MESD: variants seen among roughly 807,000 people sequenced by gnomAD.
MESD encodes the protein mesoderm development LRP chaperone, also known as LRP chaperone MESD.
A neutral mutation model predicts 12.9 loss-of-function variants in MESD; 7 were observed. That is an observed-to-expected ratio of 0.54 (90% CI 0.31 to 1.02). The LOEUF (loss-of-function observed/expected upper bound fraction) is 1.02, where lower values mean the gene tolerates loss of function less well. MESD is among the 50% of genes least tolerant of loss of function. The pLI is 0.05. For synonymous variants in MESD, 126 were observed against 115.6 expected (o/e 1.09, Z -0.58); for missense variants, 342 against 296.7 (o/e 1.15, Z -1.12).
chr15:80,956,903 G>A (rs115855554), intron 3 of MESD, among the ~76,000 whole-genome samples: 1,807 of 152,040 alleles, frequency 0.012, 48 homozygotes, highest in African/African-American at 0.041. Context: ...CTGTGGCCTC[G>A]ACCTCCCAGG....
At chr15:80,982,649 A>C (rs1386241106) in intron 1 of MESD, among the ~76,000 whole-genome samples, 1 of 152,232 alleles carries the variant, frequency 6.6e-6, no homozygotes, top group Admixed American at 6.5e-5. Flanking sequence ...AGGGTAACAG[A>C]AATTAGAACA....
In MESD at chr15:80,979,301, C is replaced by A. The variant is rs144118294; in HGVS notation, c.623G>T (p.Gly208Val). ...CAGATCTCCTTCCTTCTTTTTTTTG[C>A]CCTTGTCTTGCTTTGTTTTATTTTT... The part of the protein sequence containing the change: ...KEKNKTKQDK[G>V]KKKKEGDLKS... The change falls in exon 3 of 3, where the codon GGC becomes GTC. Residue 208 changes from glycine (G) to valine (V), a missense_variant. Coordinates refer to ENST00000261758, the MANE Select transcript of MESD (RefSeq NM_015154.3). 3.1e-6 allele frequency: 5 copies of A among 1,611,974 alleles called. No individual in the cohort carries two copies. Among genetic ancestry groups the A allele is most frequent in the Non-Finnish European group, 4.2e-6 (5 of 1,179,478 alleles).
exon 4 of MESD, chr15:80,952,263 G>T (rs748175527): frequency 4.4e-6 from 2 of 456,160 alleles, no homozygotes; most frequent in South Asian, 3.1e-5. Context: ...CAGGTAGAGG[G>T]CACCTCAGGC....
chr15:80,948,688 G>C, exon 5 of MESD: 2 of 1,434,734 alleles, frequency 1.4e-6, no homozygotes, highest in South Asian at 2.3e-5. Context: ...AGTGTGGCTA[G>C]GCGGTACCTG....
chr15:80,957,336 A>T (rs1329143547), intron 3 of MESD, among the ~76,000 whole-genome samples: 5 of 152,218 alleles, frequency 3.3e-5, no homozygotes, highest in Non-Finnish European at 7.3e-5. Context: ...ATGACCACAC[A>T]ACACCTGGGT....
Position 80,980,230 on chromosome 15 carries a change from G to T in MESD, c.447-753C>A, listed in dbSNP as rs139747374. ...TTGTTCTGTCTAGGTGTCTATTTAAGCTAATTGAAAATATTTTGCTGGCCG... is the reference window on the plus strand; with the variant it reads ...TTGTTCTGTCTAGGTGTCTATTTAATCTAATTGAAAATATTTTGCTGGCCG... On this transcript the variant is annotated intron_variant, in intron 2 of 2. Transcript: ENST00000261758. Among the ~76,000 whole-genome samples the T allele has an allele frequency of 6.8e-3, 1,033 of 152,202 alleles. 17 individuals are homozygous for T. The highest frequency in any genetic ancestry group is 0.024 in the African/African-American group (990 of 41,518).
chr15:80,953,306 T>C (rs1031575219), intron 3 of MESD, among the ~76,000 whole-genome samples: 1 of 152,078 alleles, frequency 6.6e-6, no homozygotes, highest in South Asian at 2.1e-4. Context: ...AGTAGGTGCA[T>C]AGAAGAGGCA....
rs1177774684 is a variant in MESD, at chr15:80,976,713, G to C, written c.*2506C>G. On this transcript the variant is annotated 3_prime_UTR_variant, in exon 3 of 3. Coordinates refer to ENST00000261758, the MANE Select transcript of MESD (RefSeq NM_015154.3). The stretch of plus-strand genomic sequence containing the variant: ...GTTTGCTCTAATAATTCTACTGCTA[G>C]GAATTTACCTTTCAGATATAAACAA... 2 of 152,154 alleles carry C rather than the reference G, an allele frequency of 1.3e-5. No homozygotes were observed. The highest frequency in any genetic ancestry group is 2.4e-5 in the African/African-American group (1 of 41,418). 9.4% of individuals were successfully genotyped at this position (152,154 alleles called of 1,614,324 possible).
At chr15:80,975,224 A>C (rs895620998), downstream of MESD, among the ~76,000 whole-genome samples, 14 of 151,664 alleles carry the variant, frequency 9.2e-5, no homozygotes, top group South Asian at 2.1e-4. Context: ...AAAAAAACAA[A>C]AAAAAAAAAA....
exon 5 of MESD, chr15:80,948,547 T>C (rs764162268): frequency 3.7e-6 from 2 of 547,530 alleles, no homozygotes; most frequent in Non-Finnish European, 6.6e-6. Context: ...ATGGCTCCCC[T>C]GTCTACAACA....
At chr15:80,980,657 T>C (rs948609353) in intron 2 of MESD, among the ~76,000 whole-genome samples, 8 of 151,934 alleles carry the variant, frequency 5.3e-5, no homozygotes, top group Non-Finnish European at 1.2e-4. Flanking sequence ...AAACACACAC[T>C]AGGCATGGTT....
At chr15:80,956,820 C>CTTTTTT (rs367724106) in intron 3 of MESD, among the ~76,000 whole-genome samples, 1 of 150,736 alleles carries the variant, frequency 6.6e-6, no homozygotes, top group African/African-American at 2.4e-5. Context: ...CATCTTCTCT[C>CTTTTTT]TTTTTTTTTG....
intron 3 of MESD, among the ~76,000 whole-genome samples, chr15:80,957,599 A>AAC (rs36008211): frequency 0.032 from 4,725 of 148,866 alleles, 103 homozygotes; most frequent in African/African-American, 0.058. Context: ...TCCACTGCAA[A>AAC]ACACACACAC....
At chr15:80,989,533 G>C (rs768933774) in intron 1 of MESD, 46 bp downstream of exon 1, 2 of 1,582,946 alleles carry the variant, frequency 1.3e-6, no homozygotes, top group Admixed American at 1.7e-5. Context: ...TAGGGAACAG[G>C]GTCCCGCACA....
intron 1 of MESD, among the ~76,000 whole-genome samples, chr15:80,987,369 T>C (rs534021634): frequency 6.6e-6 from 1 of 152,328 alleles, no homozygotes; most frequent in Admixed American, 6.5e-5. Flanking sequence ...GTAGAGCGTC[T>C]ACAAACATTA....
At chr15:80,967,319 A>T (rs1294515994) in intron 3 of MESD, among the ~76,000 whole-genome samples, 2 of 152,128 alleles carry the variant, frequency 1.3e-5, no homozygotes, top group Non-Finnish European at 2.9e-5. Context: ...AAAAGAAAAG[A>T]AAAGAAGTAG....
intron 2 of MESD, among the ~76,000 whole-genome samples, chr15:80,979,740 G>A (rs1236016452): frequency 6.6e-6 from 1 of 152,202 alleles, no homozygotes; most frequent in Admixed American, 6.5e-5. Context: ...CGTGTTAAAA[G>A]TGAACATTTG....
At chr15:80,964,602 T>C (rs1253697851) in intron 3 of MESD, among the ~76,000 whole-genome samples, 1 of 152,256 alleles carries the variant, frequency 6.6e-6, no homozygotes, top group Non-Finnish European at 1.5e-5. Flanking sequence ...AGCATGGCAC[T>C]GTTGCCAAAA....
In MESD at chr15:80,982,017, T is replaced by C. The variant is rs1596236903; in HGVS notation, c.379A>G (p.Lys127Glu). The change falls in exon 2 of 3, where the codon AAG becomes GAG. Residue 127 changes from lysine to glutamate, a missense_variant. Physicochemically the swap from Lys to Glu is moderately conservative, Grantham distance 56. Coordinates refer to ENST00000261758, the MANE Select transcript of MESD (RefSeq NM_015154.3). ...AGGCTCGTAATTTCCTCTGTCTCCT[T>C]CTCAGTAGGGCTTCCTGATACAGTG... ...FVTVSGSPTE[K>E]ETEEITSLWQ... is the part of the protein sequence containing the mutation. The C allele has an allele frequency of 6.2e-7, 1 of 1,614,150 alleles. No individual in the cohort carries two copies. The highest frequency in any genetic ancestry group is 8.5e-7 in the Non-Finnish European group (1 of 1,180,032).
Sources: gnomAD v4.1 joint callset for allele counts (sites outside exome capture counted in the v4.1 genomes callset) on GRCh38, gnomAD v4.1.1 for gene constraint, MANE v1.5 for transcripts, NCBI Gene and HGNC (gene_info 2026-07-23, HGNC 2026-07-21) for gene names.